IL1RAPL1: variants seen among roughly 807,000 people sequenced by gnomAD.
The protein encoded by IL1RAPL1 is interleukin 1 receptor accessory protein like 1.
A neutral mutation model predicts 48.4 loss-of-function variants in IL1RAPL1; 3 were observed. The observed-to-expected ratio is 0.06, with a 90% confidence interval of 0.03 to 0.16. The LOEUF is 0.16. Among genes scored for constraint, IL1RAPL1 ranks in the 10% least tolerant of loss-of-function variants. The pLI, the probability that IL1RAPL1 is intolerant of heterozygous loss-of-function variation, is 1.00. For synonymous variants in IL1RAPL1, 185 were observed against 187.7 expected (o/e 0.99, Z 0.12); for missense variants, 349 against 530.6 (o/e 0.66, Z 3.36).
At chrX:28,668,169 G>A (rs1934902696) in intron 1 of IL1RAPL1, among the ~76,000 whole-genome samples, 1 of 111,578 alleles carries the variant, frequency 9.0e-6, no homozygotes, top group African/African-American at 3.3e-5. Context: ...TGGCTTGGGG[G>A]TAGTAATAAA....
chrX:29,908,195 G>A (rs1278735679), intron 6 of IL1RAPL1, among the ~76,000 whole-genome samples: 2 of 110,000 alleles, frequency 1.8e-5, no homozygotes, highest in Admixed American at 2.0e-4. Flanking sequence ...CTGCAGGGTT[G>A]CAATAGGCTG....
intron 2 of IL1RAPL1, among the ~76,000 whole-genome samples, chrX:29,275,106 A>G (rs1932099851): frequency 9.0e-6 from 1 of 111,612 alleles, no homozygotes. Flanking sequence ...CTTCGTTTGC[A>G]GACATTTACC....
intron 6 of IL1RAPL1, among the ~76,000 whole-genome samples, chrX:29,742,668 A>C (rs1004921671): frequency 2.7e-5 from 3 of 112,123 alleles, no homozygotes; most frequent in Admixed American, 9.5e-5. Flanking sequence ...TCTCAAAATC[A>C]TGAGTTGAAC....
At chrX:29,330,446 T>C (rs1932875651) in intron 3 of IL1RAPL1, among the ~76,000 whole-genome samples, 1 of 111,695 alleles carries the variant, frequency 9.0e-6, no homozygotes, top group African/African-American at 3.3e-5. Flanking sequence ...AGGCGGCGTC[T>C]TTAAATCTGT....
At chrX:28,672,005 A>G (rs1934950759) in intron 1 of IL1RAPL1, among the ~76,000 whole-genome samples, 2 of 112,707 alleles carry the variant, frequency 1.8e-5, no homozygotes, top group South Asian at 7.2e-4. Flanking sequence ...AATAATTTAT[A>G]TTCAGTAGTG....
intron 2 of IL1RAPL1, among the ~76,000 whole-genome samples, chrX:28,858,286 T>G (rs1921854456): frequency 8.9e-6 from 1 of 112,634 alleles, no homozygotes; most frequent in East Asian, 2.8e-4. Flanking sequence ...GACTATTACA[T>G]AGACTTAGTT....
At chrX:29,267,468 TATACAC>T (rs1200001339) in intron 2 of IL1RAPL1, among the ~76,000 whole-genome samples, 2 of 111,964 alleles carry the variant, frequency 1.8e-5, no homozygotes, top group African/African-American at 6.5e-5. Context: ...ACAACACACA[TATACAC>T]ACACAAACAC....
At chrX:29,004,021 C>T (rs1403772447) in intron 2 of IL1RAPL1, among the ~76,000 whole-genome samples, 1 of 110,492 alleles carries the variant, frequency 9.1e-6, no homozygotes, top group Non-Finnish European at 1.9e-5. Flanking sequence ...GTGTACCTGT[C>T]GTCCCAGCTA....
intron 6 of IL1RAPL1, among the ~76,000 whole-genome samples, chrX:29,887,093 A>G: frequency 8.9e-6 from 1 of 112,045 alleles, no homozygotes; most frequent in East Asian, 2.8e-4. Flanking sequence ...TTTCACTTGT[A>G]CAAGAAAATA....
At chrX:29,304,963 A>G (rs1184437389) in intron 3 of IL1RAPL1, among the ~76,000 whole-genome samples, 2 of 112,106 alleles carry the variant, frequency 1.8e-5, no homozygotes, top group Non-Finnish European at 3.8e-5. Flanking sequence ...ATTATTTAAT[A>G]TAAGAAGTAC....
intron 2 of IL1RAPL1, among the ~76,000 whole-genome samples, chrX:28,831,035 T>C: frequency 1.6e-5 from 1 of 63,918 alleles, no homozygotes; most frequent in South Asian, 9.2e-4. Flanking sequence ...TCTGTGTGTG[T>C]GTGTGTGTGT....
rs1018210062 is a variant in IL1RAPL1, at chrX:28,659,468, A to G, written c.-25+71421A>G. The G allele has an allele frequency of 4.7e-5, 24 of 510,537 alleles. No individual in the cohort carries two copies. The Admixed American group carries it at 5.1e-4, about 11-fold the overall frequency. The allele number at this position is 510,537 out of a possible 1,213,427, so 42.1% of individuals were successfully genotyped here. The stretch of plus-strand genomic sequence containing the variant: ...GCGGGAAGTCAGCTTTGTAGGAGCC[A>G]TGATATAGAGACCTCCTTGCTTAAC... On this transcript the variant is annotated intron_variant, in intron 1 of 10. Transcript: ENST00000378993.
chrX:29,374,795 A>T (rs1319987567), intron 3 of IL1RAPL1, among the ~76,000 whole-genome samples: 1 of 110,698 alleles, frequency 9.0e-6, no homozygotes, highest in African/African-American at 3.3e-5. Context: ...TAAGTTAGAG[A>T]CAGGACAGGA....
At chrX:28,717,968 A>G (rs1292566827) in intron 1 of IL1RAPL1, among the ~76,000 whole-genome samples, 1 of 111,761 alleles carries the variant, frequency 8.9e-6, no homozygotes, top group Non-Finnish European at 1.9e-5. Flanking sequence ...CTCATATGAT[A>G]AATAAGTAAA....
At chrX:29,209,415 A>C (rs2147540568) in intron 2 of IL1RAPL1, among the ~76,000 whole-genome samples, 1 of 112,013 alleles carries the variant, frequency 8.9e-6, no homozygotes, top group Admixed American at 9.5e-5. Flanking sequence ...AAGGTTTATT[A>C]TTTGTTAGGA....
intron 6 of IL1RAPL1, among the ~76,000 whole-genome samples, chrX:29,879,878 G>GT (rs1347196656): frequency 9.0e-6 from 1 of 110,648 alleles, no homozygotes; most frequent in Non-Finnish European, 1.9e-5. Context: ...GACAAGTTCC[G>GT]TAAGTGTAAA....
chrX:29,023,477 A>G (rs746111207), intron 2 of IL1RAPL1, among the ~76,000 whole-genome samples: 52 of 112,709 alleles, frequency 4.6e-4, no homozygotes, highest in African/African-American at 1.5e-3. Context: ...CAAACTGTTC[A>G]TTTTCTAAAG....
chrX:28,962,822 G>A (rs190022110), intron 2 of IL1RAPL1, among the ~76,000 whole-genome samples: 2 of 105,988 alleles, frequency 1.9e-5, no homozygotes, highest in Non-Finnish European at 3.8e-5. Context: ...TGGTATCCGT[G>A]GGGGGGGTCC....
intron 9 of IL1RAPL1, among the ~76,000 whole-genome samples, chrX:29,949,203 T>C (rs1391890414): frequency 8.9e-6 from 1 of 112,206 alleles, no homozygotes; most frequent in African/African-American, 3.2e-5. Context: ...CATTTTTTCC[T>C]TCTTCATCAA....
Sources: gnomAD v4.1 joint callset for allele counts (sites outside exome capture counted in the v4.1 genomes callset) on GRCh38, gnomAD v4.1.1 for gene constraint, MANE v1.5 for transcripts, NCBI Gene and HGNC (gene_info 2026-07-23, HGNC 2026-07-21) for gene names.